TRIM41: variants seen among roughly 807,000 people sequenced by gnomAD.
The protein encoded by TRIM41 is E3 ubiquitin-protein ligase TRIM41.
A neutral mutation model predicts 60.6 loss-of-function variants in TRIM41; 21 were observed. The observed-to-expected ratio is 0.35, with a 90% CI of 0.25 to 0.50. TRIM41 has a LOEUF of 0.50. Ranked by LOEUF, TRIM41 falls within the 20% of genes least tolerant of loss-of-function variation. TRIM41 has a pLI of 0.98. For missense variants in TRIM41, 846 were observed against 868.3 expected (o/e 0.97, Z 0.32); for synonymous variants, 407 against 344.9 (o/e 1.18, Z -2.00).
chr5:181,226,205 A>C (rs1429112607), intron 1 of TRIM41: 1 of 152,048 alleles, frequency 6.6e-6, no homozygotes, highest in Non-Finnish European at 1.5e-5. Flanking sequence ...CCCGGGTTCA[A>C]GTGATTCTCC....
chr5:181,228,951 A>AC (rs1177426943), intron 1 of TRIM41: 1 of 151,802 alleles, frequency 6.6e-6, no homozygotes, highest in Non-Finnish European at 1.5e-5. Flanking sequence ...AAAAAAAAAA[A>AC]AAAAAAACAG....
Position 181,234,868 on chromosome 5 carries a change from C to A in TRIM41, c.*93C>A. 1 of 1,611,218 alleles carries A rather than the reference C, an allele frequency of 6.2e-7. No homozygotes were observed. Among genetic ancestry groups the A allele is most frequent in the Non-Finnish European group, 8.5e-7 (1 of 1,179,522 alleles). ...AGTTTGAGGGCTCAAAGGCTCTTCC[C>A]ACTGCTTGTTACTGTGTTGCTTCCC... On this transcript the variant is annotated 3_prime_UTR_variant, in exon 6 of 6. Transcript: ENST00000315073. The surrounding 1 kb of genome is among the most constrained non-coding windows in gnomAD (Gnocchi z 5.6).
chr5:181,232,333 G>A, intron 2 of TRIM41: 1 of 318,788 alleles, frequency 3.1e-6, no homozygotes, highest in Non-Finnish European at 5.9e-6. Flanking sequence ...TGATATTTGT[G>A]GGGATGGTCC....
chr5:181,230,521 A>AAAAAAAAG (rs1758749099), intron 1 of TRIM41: 1 of 242,174 alleles, frequency 4.1e-6, no homozygotes, highest in African/African-American at 2.3e-5. Flanking sequence ...AAAAAAAAAA[A>AAAAAAAAG]AAAAATACAC....
intron 2 of TRIM41, chr5:181,231,294 GTA>G (rs1397056596): frequency 1.7e-5 from 3 of 179,720 alleles, no homozygotes; most frequent in Middle Eastern, 2.4e-3. Context: ...AGGATTTAGT[GTA>G]TGTTAGCACT....
Position 181,233,789 on chromosome 5 carries a change from C to T in TRIM41, c.1291+26C>T. On this transcript the variant is annotated intron_variant, in intron 5 of 5. Coordinates refer to ENST00000315073, the MANE Select transcript of TRIM41 (RefSeq NM_033549.5). The surrounding 1 kb of genome is among the most constrained non-coding windows in gnomAD (Gnocchi z 4.1). The stretch of plus-strand genomic sequence containing the variant: ...GTAGGGAGGTCACCTCCACGACCTT[C>T]CTTTGCCTTTCCCTTCACAGACCTG... 2 of 1,614,168 alleles carry T rather than the reference C, an allele frequency of 1.2e-6. No homozygotes were observed. Among genetic ancestry groups the T allele is most frequent in the Middle Eastern group, 1.6e-4 (1 of 6,062 alleles).
intron 1 of TRIM41, 175 bp downstream of exon 1, chr5:181,224,987 C>T: frequency 1.3e-6 from 1 of 771,940 alleles, no homozygotes; most frequent in Non-Finnish European, 2.1e-6. Flanking sequence ...GAGAAGGATT[C>T]TGTACACAGA....
Position 181,234,977 on chromosome 5 carries a change from T to A in TRIM41, c.*202T>A. On this transcript the variant is annotated 3_prime_UTR_variant, in exon 6 of 6. Transcript: ENST00000315073. This position sits in a 1 kb window ranked among gnomAD's most constrained non-coding sequence, Gnocchi z 5.6. ...GCCTCCAGCTCAGCCTTCTCTCACC[T>A]ACTATGTCTGTCCAACAGGTCTGCA... The A allele has an allele frequency of 6.2e-7, 1 of 1,614,102 alleles. No individual in the cohort carries two copies. Among genetic ancestry groups the A allele is most frequent in the Non-Finnish European group, 8.5e-7 (1 of 1,180,004 alleles).
rs1759071090 is a variant in TRIM41 at position 181,235,523 on chromosome 5, T to A, written c.*748T>A. 7.9e-7 allele frequency: 1 copy of A among 1,266,202 alleles called. No individual in the cohort carries two copies. Among genetic ancestry groups the A allele is most frequent in the African/African-American group, 1.5e-5 (1 of 67,670 alleles). 78.4% of individuals were successfully genotyped at this position (1,266,202 alleles called of 1,614,324 possible). On this transcript the variant is annotated 3_prime_UTR_variant, in exon 6 of 6. Coordinates refer to ENST00000315073, the MANE Select transcript of TRIM41 (RefSeq NM_033549.5). ...CAAAGCTCATCCCACCCCACACCCC[T>A]CCCAGGTCTGCTCACTGCCAGGCTC...
rs1239792987 is a variant in TRIM41, at chr5:181,235,039, T to G, written c.*264T>G. On this transcript the variant is annotated 3_prime_UTR_variant, in exon 6 of 6. Coordinates refer to ENST00000315073, the MANE Select transcript of TRIM41 (RefSeq NM_033549.5). ...TAATGAGAACAGCTGCCTGGTCTTC[T>G]CTCCCAGTCTGCCTAGCCCAGCCCT... 4 of 1,613,894 alleles carry G rather than the reference T, an allele frequency of 2.5e-6. No homozygotes were observed. The South Asian group carries it at 4.4e-5, about 18-fold the overall frequency.
At chr5:181,228,558 CAAAAAAAAAAAAAA>C (rs1165609216) in intron 1 of TRIM41, 1 of 50,384 alleles carries the variant, frequency 2.0e-5, no homozygotes, top group Admixed American at 2.4e-4. Context: ...ACTCCCATCT[CAAAAAAAAAAAAAA>C]AAAAAAAAAG....
At position 181,233,584 on chromosome 5, in the gene TRIM41, T is replaced by C. The variant is rs997973806; in HGVS notation, c.1164-52T>C. 3.1e-6 allele frequency: 5 copies of C among 1,611,034 alleles called. No homozygotes were observed. The highest frequency in any genetic ancestry group is 4.2e-6 in the Non-Finnish European group (5 of 1,177,780). On this transcript the variant is annotated intron_variant, in intron 4 of 5. Transcript: ENST00000315073. The surrounding 1 kb of genome is among the most constrained non-coding windows in gnomAD (Gnocchi z 4.1). ...CTCTCCTTCCCCTCAGCTTTTGCTT[T>C]TCCCTCTGGGAATATCGTGGTCCCA...
At position 181,235,232 on chromosome 5, in the gene TRIM41, G is replaced by T; in HGVS notation, c.*457G>T. 20 of 1,587,270 alleles carry T rather than the reference G, an allele frequency of 1.3e-5. No individual in the cohort carries two copies. The highest frequency in any genetic ancestry group is 1.7e-5 in the Non-Finnish European group (20 of 1,164,288). ...TTTCTGATGCAGATTTTAGCTGAGG[G>T]ATTTGGAAGCCATTTGGGGAGGCAG... is the stretch of plus-strand genomic sequence containing the variant. On this transcript the variant is annotated 3_prime_UTR_variant, in exon 6 of 6. Coordinates refer to ENST00000315073, the MANE Select transcript of TRIM41 (RefSeq NM_033549.5).
In TRIM41 at chr5:181,223,983, G is replaced by C; in HGVS notation, c.-17G>C. On this transcript the variant is annotated 5_prime_UTR_variant, in exon 1 of 6. Transcript: ENST00000315073. ...GCCCCCCCACCGAACCTCTACACTG[G>C]CTGGCTGGACACTAAGATGGCTGCC... 1 of 1,601,698 alleles carries C rather than the reference G, an allele frequency of 6.2e-7. No homozygotes were observed. Among genetic ancestry groups the C allele is most frequent in the Non-Finnish European group, 8.5e-7 (1 of 1,172,492 alleles).
Position 181,223,456 on chromosome 5 carries a change from T to G in TRIM41, c.-544T>G, listed in dbSNP as rs1582264439. 4 of 401,586 alleles carry G rather than the reference T, an allele frequency of 1.0e-5. No individual in the cohort carries two copies. The highest frequency in any genetic ancestry group is 1.2e-4 in the South Asian group (1 of 8,276). The allele number at this position is 401,586 out of a possible 1,614,324, so 24.9% of individuals were successfully genotyped here. On this transcript the variant is annotated 5_prime_UTR_variant, in exon 1 of 6. Transcript: ENST00000315073. ...TGGGGGTAGGCGGTTCCTCTGTTCT[T>G]TCTGCGTTCCCCGCGGCCTCTTACC...
Position 181,223,977 on chromosome 5 carries a change from A to G in TRIM41, c.-23A>G, listed in dbSNP as rs745436541. 8 of 1,598,150 alleles carry G rather than the reference A, an allele frequency of 5.0e-6. No individual in the cohort carries two copies. Among genetic ancestry groups the G allele is most frequent in the African/African-American group, 1.3e-5 (1 of 74,762 alleles). On this transcript the variant is annotated 5_prime_UTR_variant, in exon 1 of 6. Coordinates refer to ENST00000315073, the MANE Select transcript of TRIM41 (RefSeq NM_033549.5). ...CCCCTCGCCCCCCCACCGAACCTCT[A>G]CACTGGCTGGCTGGACACTAAGATG...
Position 181,233,506 on chromosome 5 carries a change from CCCTCT to C in TRIM41, c.1163+80_1163+84del. On this transcript the variant is annotated intron_variant, in intron 4 of 5. Coordinates refer to ENST00000315073, the MANE Select transcript of TRIM41 (RefSeq NM_033549.5). The surrounding 1 kb of genome is among the most constrained non-coding windows in gnomAD (Gnocchi z 4.1). ...CCCTGTCCCTGCTTCTCTTCGGTATCCCTCTCCTCTCCTTCCTTCCCCAGGACCTG... is the reference window on the plus strand; with the variant it reads ...CCCTGTCCCTGCTTCTCTTCGGTATCCCTCTCCTTCCTTCCCCAGGACCTG... 2 of 1,613,056 alleles carry C rather than the reference CCCTCT, an allele frequency of 1.2e-6. No individual in the cohort carries two copies. Among genetic ancestry groups the C allele is most frequent in the Middle Eastern group, 1.7e-4 (1 of 6,054 alleles).
chr5:181,232,865 G>A lies in TRIM41; in HGVS notation c.1116G>A (p.Gln372=). ...TGGCAGAGGCCCAGGAGCGGAGCCAGCAGGGGGGTCTCCGGCTGCTCCAGG... is the reference window on the plus strand; with the variant it reads ...TGGCAGAGGCCCAGGAGCGGAGCCAACAGGGGGGTCTCCGGCTGCTCCAGG... The part of the protein sequence containing the change: ...RLLAEAQERS[Q]QGGLRLLQDI... The change falls in exon 3 of 6, where the codon CAG becomes CAA. Residue 372 remains glutamine (Q), a synonymous_variant. Transcript: ENST00000315073. 1 of 1,545,732 alleles carries A rather than the reference G, an allele frequency of 6.5e-7. No individual in the cohort carries two copies.
At position 181,235,125 on chromosome 5, in the gene TRIM41, TC is replaced by T; in HGVS notation, c.*354del. ...GTAATTTCATTCCTTAACTTCCTTT[TC>T]CCCACCCCTGCTCTTCAACCTCTTT... On this transcript the variant is annotated 3_prime_UTR_variant, in exon 6 of 6. Coordinates refer to ENST00000315073, the MANE Select transcript of TRIM41 (RefSeq NM_033549.5). The T allele has an allele frequency of 6.3e-7, 1 of 1,575,930 alleles. No homozygotes were observed.
Sources: gnomAD v4.1 joint callset for allele counts on GRCh38, gnomAD v4.1.1 for gene constraint, Gnocchi (gnomAD v3.1) non-coding constraint, MANE v1.5 for transcripts, NCBI Gene and HGNC (gene_info 2026-07-23, HGNC 2026-07-21) for gene names.